CCDC178: variants seen among roughly 807,000 people sequenced by gnomAD.
CCDC178 encodes coiled-coil domain containing 178, also known as coiled-coil domain-containing protein 178.
In CCDC178, 126 loss-of-function variants were observed where a neutral mutation model predicts 117.4. The ratio of observed to expected loss-of-function variants is 1.07; its 90% CI spans 0.93 to 1.24. The LOEUF (loss-of-function observed/expected upper bound fraction) is 1.24. Among genes scored for constraint, CCDC178 ranks in the 50% most tolerant of loss-of-function variants. The pLI is 0.00. For missense variants in CCDC178, 1,030 were observed against 986.9 expected, an observed-to-expected ratio of 1.04 and a Z score of -0.59; for synonymous variants, 283 against 313.4, an observed-to-expected ratio of 0.90 and a Z score of 1.02.
chr18:33,359,326 T>C (rs1412790995), intron 6 of CCDC178, among the ~76,000 whole-genome samples: 1 of 151,764 alleles, frequency 6.6e-6, no homozygotes, highest in Non-Finnish European at 1.5e-5. Context: ...TTTAAGGTAA[T>C]ATATCAAAAC....
chr18:33,298,339 T>G (rs1347533934), intron 11 of CCDC178, among the ~76,000 whole-genome samples: 3 of 152,182 alleles, frequency 2.0e-5, no homozygotes, highest in Non-Finnish European at 4.4e-5. Flanking sequence ...AATCAATAAA[T>G]GTGATACATT....
intron 5 of CCDC178, among the ~76,000 whole-genome samples, chr18:33,374,966 G>A (rs552905169): frequency 1.3e-5 from 2 of 152,152 alleles, no homozygotes; most frequent in Non-Finnish European, 2.9e-5. Context: ...AAGTAATCTT[G>A]TCTGTAGAGG....
intron 21 of CCDC178, among the ~76,000 whole-genome samples, chr18:32,992,758 AG>A (rs2055421035): frequency 6.6e-6 from 1 of 152,224 alleles, no homozygotes; most frequent in South Asian, 2.1e-4. Context: ...CATACATCAA[AG>A]TATTGCATTT....
At chr18:32,998,301 T>A (rs959735045) in intron 21 of CCDC178, among the ~76,000 whole-genome samples, 1 of 152,166 alleles carries the variant, frequency 6.6e-6, no homozygotes, top group African/African-American at 2.4e-5. Flanking sequence ...CAGAGGGGAA[T>A]CATTTATCTC....
chr18:33,055,066 G>A (rs1272056190), intron 21 of CCDC178, among the ~76,000 whole-genome samples: 2 of 152,136 alleles, frequency 1.3e-5, no homozygotes, highest in East Asian at 3.9e-4. Context: ...TTGGCTGCAT[G>A]TATGTCTTCT....
chr18:33,003,791 C>T (rs1213852960), intron 21 of CCDC178, among the ~76,000 whole-genome samples: 2 of 151,920 alleles, frequency 1.3e-5, no homozygotes, highest in Non-Finnish European at 2.9e-5. Flanking sequence ...CTAAAGACGC[C>T]ACCAAAAACT....
intron 21 of CCDC178, among the ~76,000 whole-genome samples, chr18:33,006,150 T>G (rs1598779493): frequency 6.6e-6 from 1 of 152,100 alleles, no homozygotes; most frequent in Non-Finnish European, 1.5e-5. Context: ...TGTTGACTCA[T>G]TTAGCCTTTG....
At chr18:33,091,999 G>A (rs2057474525) in intron 21 of CCDC178, among the ~76,000 whole-genome samples, 1 of 152,082 alleles carries the variant, frequency 6.6e-6, no homozygotes, top group African/African-American at 2.4e-5. Flanking sequence ...CTAAACTACT[G>A]ATTTATAATG....
intron 21 of CCDC178, among the ~76,000 whole-genome samples, chr18:33,033,401 C>T (rs1392719221): frequency 6.6e-6 from 1 of 152,048 alleles, no homozygotes; most frequent in Non-Finnish European, 1.5e-5. Flanking sequence ...CATCTTCTCA[C>T]TTTAGTGTTT....
chr18:33,269,554 A>T (rs536904617), intron 12 of CCDC178, among the ~76,000 whole-genome samples: 1 of 151,978 alleles, frequency 6.6e-6, no homozygotes, highest in Admixed American at 6.6e-5. Context: ...CTAAGAAAGC[A>T]CACAGAACTT....
intron 11 of CCDC178, among the ~76,000 whole-genome samples, chr18:33,294,727 G>A (rs1267814440): frequency 6.6e-6 from 1 of 152,170 alleles, no homozygotes; most frequent in African/African-American, 2.4e-5. Flanking sequence ...AAATGTGTAA[G>A]TTTGATTAAG....
intron 3 of CCDC178, among the ~76,000 whole-genome samples, chr18:33,397,877 A>G (rs2063660061): frequency 6.6e-6 from 1 of 152,136 alleles, no homozygotes; most frequent in African/African-American, 2.4e-5. Context: ...TTTAATAATT[A>G]TATCTAGGCT....
intron 22 of CCDC178, among the ~76,000 whole-genome samples, chr18:32,964,669 C>T (rs1343300473): frequency 3.3e-5 from 5 of 151,842 alleles, no homozygotes; most frequent in Non-Finnish European, 7.4e-5. Flanking sequence ...CTGTTTATAC[C>T]TGCTTCACGT....
At chr18:33,384,135 G>T (rs2063469016) in intron 5 of CCDC178, among the ~76,000 whole-genome samples, 1 of 152,014 alleles carries the variant, frequency 6.6e-6, no homozygotes, top group African/African-American at 2.4e-5. Context: ...CTATCTTGCA[G>T]AAATAAGGCA....
intron 20 of CCDC178, among the ~76,000 whole-genome samples, chr18:33,128,990 A>AG (rs1172448846): frequency 9.2e-5 from 14 of 152,232 alleles, no homozygotes; most frequent in Admixed American, 8.5e-4. Flanking sequence ...ATAAGAATGA[A>AG]ACCGTTATGA....
At chr18:32,958,559 T>C (rs941986158) in intron 22 of CCDC178, among the ~76,000 whole-genome samples, 7 of 152,186 alleles carry the variant, frequency 4.6e-5, no homozygotes, top group Non-Finnish European at 8.8e-5. Flanking sequence ...AGGTTTGTTT[T>C]GGTAAAGAGC....
intron 21 of CCDC178, among the ~76,000 whole-genome samples, chr18:33,003,128 A>C (rs1051418214): frequency 8.5e-5 from 13 of 152,200 alleles, no homozygotes; most frequent in African/African-American, 3.1e-4. Flanking sequence ...ATCCTACTTA[A>C]ACTATTCTGA....
At chr18:33,268,014 A>G (rs1388985505) in intron 12 of CCDC178, among the ~76,000 whole-genome samples, 1 of 151,750 alleles carries the variant, frequency 6.6e-6, no homozygotes, top group Non-Finnish European at 1.5e-5. Context: ...AACTCTTATT[A>G]AAAATCCTAA....
chr18:33,006,163 A>G (rs2144784416), intron 21 of CCDC178, among the ~76,000 whole-genome samples: 1 of 152,178 alleles, frequency 6.6e-6, no homozygotes, highest in African/African-American at 2.4e-5. Context: ...AGCCTTTGTA[A>G]TAGTCTAAAA....
Sources: allele counts gnomAD v4.1 joint callset (sites outside exome capture counted in the v4.1 genomes callset), GRCh38; gene constraint gnomAD v4.1.1; transcripts MANE v1.5; gene names NCBI Gene and HGNC (gene_info 2026-07-23, HGNC 2026-07-21).